DENND2A: variants seen among roughly 807,000 people sequenced by gnomAD.
DENND2A encodes DENN domain-containing protein 2A.
DENND2A carries 53 observed loss-of-function variants against 105.3 expected under a neutral mutation model. The observed-to-expected ratio is 0.50, with a 90% CI of 0.40 to 0.63. The LOEUF (loss-of-function observed/expected upper bound fraction) is 0.63. DENND2A is among the 30% of genes least tolerant of loss of function. The probability of loss-of-function intolerance (pLI) is 0.00; values close to 1 mark genes in which losing one functional copy is unlikely to be tolerated. For synonymous variants in DENND2A, 522 were observed against 508.4 expected (o/e 1.03, Z -0.36); for missense variants, 1,138 against 1,279.6 (o/e 0.89, Z 1.69).
intron 1 of DENND2A, among the ~76,000 whole-genome samples, chr7:140,624,452 G>A (rs1800429024): frequency 6.6e-6 from 1 of 152,230 alleles, no homozygotes; most frequent in South Asian, 2.1e-4. Flanking sequence ...GGAGGGAACA[G>A]GTGGGACGCC....
intron 14 of DENND2A, among the ~76,000 whole-genome samples, chr7:140,539,971 C>T (rs955499758): frequency 6.6e-6 from 1 of 152,186 alleles, no homozygotes; most frequent in Non-Finnish European, 1.5e-5. Context: ...CAGCGGAGTC[C>T]CGGAAAGTCA....
At chr7:140,544,222 T>A (rs986277086) in intron 14 of DENND2A, 2 of 292,448 alleles carry the variant, frequency 6.8e-6, no homozygotes, top group African/African-American at 4.3e-5. Flanking sequence ...GGAGGGAAGG[T>A]CTCCCTCTGT....
chr7:140,545,236 G>C (rs1411836401), intron 13 of DENND2A, among the ~76,000 whole-genome samples: 1 of 152,176 alleles, frequency 6.6e-6, no homozygotes, highest in Non-Finnish European at 1.5e-5. Context: ...CGCCCAGCAG[G>C]CCTGAGCAGC....
In DENND2A at chr7:140,587,796, T is replaced by A. The variant is rs371340218; in HGVS notation, c.996-16A>T. The A allele has an allele frequency of 4.1e-4, 637 of 1,541,028 alleles. No individual in the cohort carries two copies. The highest frequency in any genetic ancestry group is 5.0e-4 in the Non-Finnish European group (573 of 1,138,354). ...ATAGGACTTTCTGGAATGTGCCAGA[T>A]GGGAGGAAAAAACAAAGAATTTGAA... On this transcript the variant is annotated splice_polypyrimidine_tract_variant and intron_variant, in intron 3 of 19. Transcript: ENST00000496613.
chr7:140,630,240 G>C (rs949438267), intron 1 of DENND2A, among the ~76,000 whole-genome samples: 1 of 151,776 alleles, frequency 6.6e-6, no homozygotes, highest in Non-Finnish European at 1.5e-5. Flanking sequence ...CCTCCTGAGT[G>C]GCTGGGACCA....
At chr7:140,553,181 C>T (rs1585613222) in intron 12 of DENND2A, among the ~76,000 whole-genome samples, 1 of 152,176 alleles carries the variant, frequency 6.6e-6, no homozygotes, top group African/African-American at 2.4e-5. Flanking sequence ...GGCGTTTCTC[C>T]GAGAGGGGGA....
At chr7:140,632,152 A>G (rs1029434555) in intron 1 of DENND2A, among the ~76,000 whole-genome samples, 3 of 152,182 alleles carry the variant, frequency 2.0e-5, no homozygotes, top group African/African-American at 4.8e-5. Context: ...TGAAATGCCA[A>G]ATAAAATTAT....
chr7:140,593,514 C>T (rs1241189937), intron 3 of DENND2A, among the ~76,000 whole-genome samples: 1 of 152,220 alleles, frequency 6.6e-6, no homozygotes, highest in Non-Finnish European at 1.5e-5. Flanking sequence ...ATGACTTCTC[C>T]ATATTTTTGT....
At chr7:140,619,748 C>T (rs550494659) in intron 1 of DENND2A, among the ~76,000 whole-genome samples, 17 of 152,120 alleles carry the variant, frequency 1.1e-4, no homozygotes, top group Middle Eastern at 3.4e-3. Context: ...GATCTGCCTG[C>T]CTCGGCCTCC....
At chr7:140,578,375 G>A (rs2130624220) in intron 5 of DENND2A, among the ~76,000 whole-genome samples, 1 of 152,250 alleles carries the variant, frequency 6.6e-6, no homozygotes, top group East Asian at 1.9e-4. Context: ...TGACTTTACT[G>A]CCTCAGGAGA....
intron 3 of DENND2A, among the ~76,000 whole-genome samples, chr7:140,588,216 G>T (rs79694613): frequency 0.036 from 5,509 of 152,094 alleles, 178 homozygotes; most frequent in African/African-American, 0.093. Flanking sequence ...ATCAACTTCT[G>T]TTATTGTAAA....
chr7:140,540,720 C>T (rs1036070324), intron 14 of DENND2A, among the ~76,000 whole-genome samples: 1 of 150,702 alleles, frequency 6.6e-6, no homozygotes, highest in Non-Finnish European at 1.5e-5. Flanking sequence ...AGGTTTCTTT[C>T]TTTCTTTTTT....
At chr7:140,531,031 C>T (rs1177688805) in intron 14 of DENND2A, among the ~76,000 whole-genome samples, 5 of 152,098 alleles carry the variant, frequency 3.3e-5, no homozygotes, top group Admixed American at 6.6e-5. Context: ...CACATCCGGC[C>T]GACTTCTATG....
At chr7:140,586,949 C>T (rs1028888211) in intron 4 of DENND2A, among the ~76,000 whole-genome samples, 7 of 152,192 alleles carry the variant, frequency 4.6e-5, no homozygotes, top group East Asian at 3.8e-4. Flanking sequence ...TCACCCGCAC[C>T]GTAAGCAGTT....
Position 140,558,683 on chromosome 7 carries a change from G to A in DENND2A, c.1890-471C>T, listed in dbSNP as rs190560434. On this transcript the variant is annotated intron_variant, in intron 10 of 19. Transcript: ENST00000496613. ...TACACTCCAGCCTGGGGGAAGAAGCGAGACTCTATCTCAAAAAAAAAAAAA... is the reference window on the plus strand; with the variant it reads ...TACACTCCAGCCTGGGGGAAGAAGCAAGACTCTATCTCAAAAAAAAAAAAA... 6.2e-3 allele frequency among the ~76,000 whole-genome samples: 845 copies of A among 136,934 alleles called. 12 individuals are homozygous for A. The highest frequency in any genetic ancestry group is 0.022 in the African/African-American group (796 of 36,224). 89.8% of individuals were successfully genotyped at this position (136,934 alleles called of 152,430 possible). A position where few individuals can be genotyped will look rare whatever the true frequency, so the allele number is the denominator to read the frequency against.
chr7:140,609,688 C>T (rs1331677740), intron 1 of DENND2A, among the ~76,000 whole-genome samples: 1 of 152,212 alleles, frequency 6.6e-6, no homozygotes, highest in African/African-American at 2.4e-5. Context: ...AAAATTCTAA[C>T]ATCTATAGCT....
At chr7:140,635,003 C>T (rs1232701251) in intron 1 of DENND2A, among the ~76,000 whole-genome samples, 1 of 152,042 alleles carries the variant, frequency 6.6e-6, no homozygotes, top group Non-Finnish European at 1.5e-5. Context: ...TGGCTCATGC[C>T]TGTAGTCCCA....
chr7:140,577,557 C>T (rs559995733), intron 5 of DENND2A, among the ~76,000 whole-genome samples: 1 of 152,214 alleles, frequency 6.6e-6, no homozygotes, highest in East Asian at 1.9e-4. Flanking sequence ...GCCACCACGC[C>T]TGGCTAATTT....
At chr7:140,532,717 G>A (rs1057277965) in intron 14 of DENND2A, among the ~76,000 whole-genome samples, 6 of 152,006 alleles carry the variant, frequency 3.9e-5, no homozygotes, top group African/African-American at 1.4e-4. Context: ...GAGGAATGCA[G>A]GCATGAGGAG....
Sources: gnomAD v4.1 joint callset for allele counts (sites outside exome capture counted in the v4.1 genomes callset) on GRCh38, gnomAD v4.1.1 for gene constraint, MANE v1.5 for transcripts, NCBI Gene and HGNC (gene_info 2026-07-23, HGNC 2026-07-21) for gene names.